NEBL: variants seen among roughly 807,000 people sequenced by gnomAD.
The protein encoded by NEBL is LIM and SH3 protein 2.
A neutral mutation model predicts 140.2 loss-of-function variants in NEBL; 122 were observed. The observed-to-expected ratio is 0.87, with a 90% confidence interval of 0.75 to 1.01. The LOEUF (loss-of-function observed/expected upper bound fraction) is 1.01, where lower values mean the gene tolerates loss of function less well. Among genes scored for constraint, NEBL ranks in the 50% least tolerant of loss-of-function variants. The pLI, the probability that NEBL is intolerant of heterozygous loss-of-function variation, is 0.00. For synonymous variants in NEBL, 436 were observed against 398.9 expected (o/e 1.09, Z -1.11); for missense variants, 1,365 against 1,231.3 (o/e 1.11, Z -1.62).
chr10:20,892,750 T>G (rs966001116), intron 2 of NEBL, among the ~76,000 whole-genome samples: 2 of 152,206 alleles, frequency 1.3e-5, no homozygotes, highest in African/African-American at 4.8e-5. Context: ...TGAATGAGTA[T>G]GAGATTAGCT....
Position 20,896,511 on chromosome 10 carries a change from T to TATATATATATATAC in NEBL, c.153+446_153+447insGTATATATATATAT, listed in dbSNP as rs1450819705. ...ATATATATATATATATATATATATATATATATGCATTTTCCTGTTCTGGAA... is the reference window on the plus strand; with the variant it reads ...ATATATATATATATATATATATATATATATATATATATACATATATGCATTTTCCTGTTCTGGAA... On this transcript the variant is annotated intron_variant, in intron 2 of 27. Coordinates refer to ENST00000377122, the MANE Select transcript of NEBL (RefSeq NM_006393.3). Among the ~76,000 whole-genome samples, 12 of 142,774 alleles carry TATATATATATATAC rather than the reference T, an allele frequency of 8.4e-5. 1 individual carries two copies. The highest frequency in any genetic ancestry group is 1.4e-4 in the Admixed American group (2 of 14,220). The allele number at this position is 142,774 out of a possible 152,430, so 93.7% of individuals were successfully genotyped here.
chr10:20,786,115 AT>A (rs749061950), intron 27 of NEBL, among the ~76,000 whole-genome samples, 192 bp from the exon 28 acceptor site: 84 of 152,318 alleles, frequency 5.5e-4, no homozygotes, highest in Middle Eastern at 3.4e-3. Flanking sequence ...ATAGCTTAAT[AT>A]TTTTGGAACA....
At chr10:20,831,131 A>G (rs1840368817) in intron 16 of NEBL, 65 bp downstream of exon 16, 1 of 1,135,544 alleles carries the variant, frequency 8.8e-7, no homozygotes, top group Non-Finnish European at 1.3e-6. Context: ...TCATAGAGAC[A>G]TACAAAGCAC....
At chr10:20,860,034 A>G (rs1268674937) in intron 7 of NEBL, among the ~76,000 whole-genome samples, 2 of 152,110 alleles carry the variant, frequency 1.3e-5, no homozygotes, top group African/African-American at 4.8e-5. Flanking sequence ...CACAAATGCA[A>G]TTAGGCATGA....
At position 21,242,155 on chromosome 10, in the gene NEBL, T is replaced by C. The variant is rs559011144; in HGVS notation, n.348+5766A>G. ...AGGCAGAAGTTGGAGTGAGCCAAGA[T>C]CACGCCACCACTGTGCTCCAGCCTG... On this transcript the variant is annotated intron_variant and non_coding_transcript_variant, in intron 3 of 8. Transcript: ENST00000675702. Among the ~76,000 whole-genome samples the C allele has an allele frequency of 1.6e-4, 24 of 151,992 alleles. No individual in the cohort carries two copies. In the South Asian group the frequency reaches 5.0e-3, roughly 32 times the overall value.
At chr10:20,973,473 T>C (rs928488403) in intron 3 of NEBL, among the ~76,000 whole-genome samples, 1 of 152,090 alleles carries the variant, frequency 6.6e-6, no homozygotes, top group Non-Finnish European at 1.5e-5. Context: ...TGGTCTCAAA[T>C]TCCGGGCCTC....
Position 21,275,048 on chromosome 10 carries a change from G to A in NEBL, n.182+17782C>T, listed in dbSNP as rs557695761. ...GAAGTTCACGCCTGTGTTGTTCAAG[G>A]GCTAACTGTAAATTCTGCCCACCAC... is the stretch of plus-strand genomic sequence containing the variant. On this transcript the variant is annotated intron_variant and non_coding_transcript_variant, in intron 1 of 8. Coordinates refer to the NEBL transcript ENST00000675702. 3.1e-4 allele frequency among the ~76,000 whole-genome samples: 47 copies of A among 152,060 alleles called. No individual in the cohort carries two copies. The South Asian group carries it at 9.0e-3, about 29-fold the overall frequency.
At chr10:21,230,813 C>T (rs1295099221) in intron 3 of NEBL, among the ~76,000 whole-genome samples, 1 of 152,066 alleles carries the variant, frequency 6.6e-6, no homozygotes, top group Non-Finnish European at 1.5e-5. Context: ...CCATGTTGCT[C>T]AGGCTGGTCT....
At chr10:21,245,248 T>C (rs1278685816) in intron 3 of NEBL, among the ~76,000 whole-genome samples, 1 of 152,200 alleles carries the variant, frequency 6.6e-6, no homozygotes, top group Non-Finnish European at 1.5e-5. Context: ...ATACTCAACC[T>C]AAGAGAGCAG....
intron 4 of NEBL, among the ~76,000 whole-genome samples, chr10:20,919,421 A>G (rs1377610522): frequency 6.6e-6 from 1 of 152,190 alleles, no homozygotes; most frequent in East Asian, 1.9e-4. Flanking sequence ...TTATGTTTCT[A>G]TAATCATGGG....
At chr10:20,962,334 C>T (rs963383017) in intron 3 of NEBL, among the ~76,000 whole-genome samples, 2 of 152,202 alleles carry the variant, frequency 1.3e-5, no homozygotes, top group African/African-American at 4.8e-5. Context: ...CTTCAGAAGG[C>T]CAACATATGG....
chr10:21,235,350 T>G (rs2132258756), intron 3 of NEBL, among the ~76,000 whole-genome samples: 1 of 152,194 alleles, frequency 6.6e-6, no homozygotes, highest in Admixed American at 6.5e-5. Flanking sequence ...TTTTATTTAT[T>G]TATTTAAAGA....
At chr10:20,802,001 T>C (rs1463120694) in intron 26 of NEBL, among the ~76,000 whole-genome samples, 2 of 152,120 alleles carry the variant, frequency 1.3e-5, no homozygotes, top group African/African-American at 2.4e-5. Flanking sequence ...TTTTGAAAAG[T>C]GCATCTGTTT....
At chr10:21,243,298 C>CTTT (rs34974511) in intron 3 of NEBL, among the ~76,000 whole-genome samples, 10 of 122,560 alleles carry the variant, frequency 8.2e-5, no homozygotes, top group Non-Finnish European at 1.4e-4. Context: ...ATTGAGCATT[C>CTTT]TTTTTTTTTT....
At chr10:21,117,631 T>C (rs1838343708) in intron 2 of NEBL, among the ~76,000 whole-genome samples, 1 of 152,230 alleles carries the variant, frequency 6.6e-6, no homozygotes, top group Non-Finnish European at 1.5e-5. Flanking sequence ...ACAACTGTTC[T>C]GTCCTATATA....
chr10:20,983,230 C>T (rs950103854), intron 3 of NEBL, among the ~76,000 whole-genome samples: 9 of 152,156 alleles, frequency 5.9e-5, no homozygotes, highest in African/African-American at 1.7e-4. Flanking sequence ...TGAGACTTTA[C>T]GATTCATTCC....
chr10:21,206,554 C>A (rs1841827838), intron 3 of NEBL, among the ~76,000 whole-genome samples: 1 of 152,166 alleles, frequency 6.6e-6, no homozygotes, highest in Admixed American at 6.5e-5. Flanking sequence ...GTAATAGGTT[C>A]ATTGCCTGCC....
At position 20,858,281 on chromosome 10, in the gene NEBL, A is replaced by G; in HGVS notation, c.862T>C (p.Phe288Leu). ...CTGGCTTTCAAAACATGGTCTAAAA[A>G]CAACAAATTTGGGAGATCTGAAACT... ...DPVSDLPNLLFLDHVLKASKM... is the reference protein window; with the variant it reads ...DPVSDLPNLLLLDHVLKASKM... The change falls in exon 9 of 28, where the codon TTT (phenylalanine) becomes CTT (leucine). Residue 288 changes from phenylalanine to leucine, a missense_variant. Coordinates refer to ENST00000377122, the MANE Select transcript of NEBL (RefSeq NM_006393.3). 6.2e-7 allele frequency: 1 copy of G among 1,612,222 alleles called. No homozygotes were observed. The highest frequency in any genetic ancestry group is 8.5e-7 in the Non-Finnish European group (1 of 1,178,256).
intron 2 of NEBL, among the ~76,000 whole-genome samples, chr10:21,076,473 A>AT (rs1836088844): frequency 7.1e-6 from 1 of 140,740 alleles, no homozygotes; most frequent in Non-Finnish European, 1.5e-5. Flanking sequence ...AAAAAAAAAA[A>AT]AGAATTACCA....
Sources: allele counts gnomAD v4.1 joint callset (sites outside exome capture counted in the v4.1 genomes callset), GRCh38; gene constraint gnomAD v4.1.1; transcripts MANE v1.5; gene names NCBI Gene and HGNC (gene_info 2026-07-23, HGNC 2026-07-21).